The following B4GALNT1 variants were observed in gnomAD, a reference collection of about 807,000 sequenced individuals.
B4GALNT1 encodes the protein beta-1,4 N-acetylgalactosaminyltransferase 1.
In B4GALNT1, 43 loss-of-function variants were observed where a neutral mutation model predicts 55.2. That is an observed-to-expected ratio of 0.78 (90% CI 0.61 to 1.00). The LOEUF is 1.00. B4GALNT1 is among the 50% of genes least tolerant of loss of function. The pLI is 0.00. For missense variants in B4GALNT1, 664 were observed against 729.7 expected (o/e 0.91, Z 1.04); for synonymous variants, 305 against 311.6 (o/e 0.98, Z 0.22).
At chr12:57,631,488 T>A in intron 2 of B4GALNT1, 124 bp from the exon 3 acceptor site, 1 of 1,098,260 alleles carries the variant, frequency 9.1e-7, no homozygotes, top group Non-Finnish European at 1.3e-6. Flanking sequence ...TCTGTCCCCT[T>A]AAATGCTGCC....
At chr12:57,628,601 C>T in intron 8 of B4GALNT1, 112 bp downstream of exon 8, 7 of 1,293,708 alleles carry the variant, frequency 5.4e-6, no homozygotes, top group Non-Finnish European at 7.6e-6. Context: ...TAACAGGCAC[C>T]CCATGATTCT....
At chr12:57,629,193 TTC>T (rs1885046221) in intron 6 of B4GALNT1, 47 bp from the exon 7 acceptor site, 3 of 1,472,362 alleles carry the variant, frequency 2.0e-6, no homozygotes, top group Non-Finnish European at 2.7e-6. Context: ...TGGGATAACA[TTC>T]TGTTTTCAGC....
chr12:57,627,738 C>CTAGTGTAGATCTCG lies in B4GALNT1; in HGVS notation c.1263_1264insCGAGATCTACACTA (p.Glu422ArgfsTer5). The CTAGTGTAGATCTCG allele has an allele frequency of 6.2e-7, 1 of 1,610,406 alleles. No individual in the cohort carries two copies. Among genetic ancestry groups the CTAGTGTAGATCTCG allele is most frequent in the South Asian group, 1.1e-5 (1 of 90,600 alleles). ...ACGCAGCCTGGGAAGCCGACGAGCT[C>CTAGTGTAGATCTCG]GTGGTGGAAGCCGCGCCTTTGCCGG... On this transcript the variant is annotated frameshift_variant, in exon 10 of 11. Transcript: ENST00000341156. LOFTEE classifies it high-confidence loss of function.
In B4GALNT1 at chr12:57,631,287, GC is replaced by G; in HGVS notation, c.295del (p.Ala99LeufsTer13). 1 of 1,614,148 alleles carries G rather than the reference GC, an allele frequency of 6.2e-7. No individual in the cohort carries two copies. The highest frequency in any genetic ancestry group is 1.1e-5 in the South Asian group (1 of 91,084). On this transcript the variant is annotated frameshift_variant, in exon 3 of 11. Transcript: ENST00000341156. LOFTEE classifies it high-confidence loss of function. ...LPLPFQKQVR[A>X]IDLTKAFDPA... Reference sequence around the variant, plus strand: ...GTCAAAGGCCTTGGTGAGGTCAATAGCTCGGACTTGTTTCTGGAAGGGGAGG... The same window carrying G: ...GTCAAAGGCCTTGGTGAGGTCAATAGTCGGACTTGTTTCTGGAAGGGGAGG...
At position 57,626,132 on chromosome 12, in the gene B4GALNT1, G is replaced by A. The variant is rs372792639; in HGVS notation, c.*612C>T. On this transcript the variant is annotated 3_prime_UTR_variant, in exon 11 of 11. Transcript: ENST00000341156. ...TACCTAACGTAACTAATAAAATGAAGCTGAGAGCTTTGGAATCCATGAAGT... is the reference window on the plus strand; with the variant it reads ...TACCTAACGTAACTAATAAAATGAAACTGAGAGCTTTGGAATCCATGAAGT... 4.9e-4 allele frequency: 88 copies of A among 178,430 alleles called. No homozygotes were observed. Among genetic ancestry groups the A allele is most frequent in the Non-Finnish European group, 6.8e-4 (57 of 84,264 alleles). 11.1% of individuals were successfully genotyped at this position (178,430 alleles called of 1,614,324 possible). A position where few individuals can be genotyped will look rare whatever the true frequency, so the allele number is the denominator to read the frequency against.
chr12:57,625,056 C>A lies in B4GALNT1; in HGVS notation c.*1688G>T. ...GCAGGTGGGTGTTCTGAGGGGGATC[C>A]TTGTGCTCAAGGGGTGCATGTTCAT... On this transcript the variant is annotated 3_prime_UTR_variant, in exon 11 of 11. Transcript: ENST00000341156. 6.2e-7 allele frequency: 1 copy of A among 1,613,708 alleles called. No individual in the cohort carries two copies. The highest frequency in any genetic ancestry group is 8.5e-7 in the Non-Finnish European group (1 of 1,179,660).
chr12:57,625,439 C>A lies in B4GALNT1; in HGVS notation c.*1305G>T. On this transcript the variant is annotated 3_prime_UTR_variant, in exon 11 of 11. Transcript: ENST00000341156. Reference sequence around the variant, plus strand: ...CCAGCCGATGTCGAGATGCTAGGATCCGCCTCCTCCTGGCTCAGTGTAATG... The same window carrying A: ...CCAGCCGATGTCGAGATGCTAGGATACGCCTCCTCCTGGCTCAGTGTAATG... 1 of 1,614,202 alleles carries A rather than the reference C, an allele frequency of 6.2e-7. No individual in the cohort carries two copies. The highest frequency in any genetic ancestry group is 8.5e-7 in the Non-Finnish European group (1 of 1,180,030).
Position 57,623,585 on chromosome 12 carries a change from G to T in B4GALNT1, c.*3159C>A. ...ACAGTGGCTTTTAAGGTGGAGGTGGGCTACAAAACTGGGGAACTTGAACAA... is the reference window on the plus strand; with the variant it reads ...ACAGTGGCTTTTAAGGTGGAGGTGGTCTACAAAACTGGGGAACTTGAACAA... On this transcript the variant is annotated 3_prime_UTR_variant, in exon 11 of 11. Coordinates refer to ENST00000341156, the MANE Select transcript of B4GALNT1 (RefSeq NM_001478.5). The T allele has an allele frequency of 3.7e-6, 2 of 534,068 alleles. No homozygotes were observed. The highest frequency in any genetic ancestry group is 4.6e-5 in the South Asian group (2 of 43,502). 33.1% of individuals were successfully genotyped at this position (534,068 alleles called of 1,614,324 possible).
rs781110165 is a variant in B4GALNT1 at position 57,625,510 on chromosome 12, T to C, written c.*1234A>G. On this transcript the variant is annotated 3_prime_UTR_variant, in exon 11 of 11. Transcript: ENST00000341156. ...CGGGGCCCAGTGCCTGGGCAATGAC[T>C]GGACACCTGCGGTAGGGAAAAGGAC... The C allele has an allele frequency of 1.9e-6, 3 of 1,613,954 alleles. No individual in the cohort carries two copies. The South Asian group carries it at 3.3e-5, about 18-fold the overall frequency.
chr12:57,631,510 C>G (rs2140252663), intron 2 of B4GALNT1, 146 bp from the exon 3 acceptor site: 1 of 927,022 alleles, frequency 1.1e-6, no homozygotes, highest in East Asian at 2.6e-5. Context: ...TTCAAATAGT[C>G]CTCGGGAGGG....
intron 4 of B4GALNT1, 137 bp downstream of exon 4, chr12:57,630,843 G>A (rs703832): frequency 8.2e-6 from 7 of 857,862 alleles, no homozygotes; most frequent in Admixed American, 6.8e-5. Flanking sequence ...CTCCTAAGCC[G>A]CCGTTTGAGC....
Position 57,631,181 on chromosome 12 carries a change from G to T in B4GALNT1, c.383+19C>A. ...CTGCTCTCCCCCTGAGGAGTCATGC[G>T]CTTCTTTCAAGCTGGTACCTCGACA... On this transcript the variant is annotated intron_variant, in intron 3 of 10. Transcript: ENST00000341156. The T allele has an allele frequency of 6.2e-7, 1 of 1,613,948 alleles. No individual in the cohort carries two copies. Among genetic ancestry groups the T allele is most frequent in the Middle Eastern group, 1.6e-4 (1 of 6,062 alleles).
At position 57,632,044 on chromosome 12, in the gene B4GALNT1, G is replaced by GTA; in HGVS notation, c.88_89insTA (p.Ala30ValfsTer43). 6.9e-7 allele frequency: 1 copy of GTA among 1,445,804 alleles called. No homozygotes were observed. The highest frequency in any genetic ancestry group is 9.1e-7 in the Non-Finnish European group (1 of 1,098,026). 89.6% of individuals were successfully genotyped at this position (1,445,804 alleles called of 1,614,324 possible). Reference sequence around the variant, plus strand: ...CGCAAGAGGTAGCCGGAGGCCGGGCGCGTCCCGGGTGCTCGCGTACAGGAG... The same window carrying GTA: ...CGCAAGAGGTAGCCGGAGGCCGGGCGTACGTCCCGGGTGCTCGCGTACAGGAG... On this transcript the variant is annotated frameshift_variant, in exon 2 of 11. Coordinates refer to ENST00000341156, the MANE Select transcript of B4GALNT1 (RefSeq NM_001478.5). LOFTEE classifies it high-confidence loss of function.
chr12:57,624,402 C>T lies in B4GALNT1; in HGVS notation c.*2342G>A. On this transcript the variant is annotated 3_prime_UTR_variant, in exon 11 of 11. Transcript: ENST00000341156. Reference sequence around the variant, plus strand: ...CACTTCTTCCTGGATCATCTCTCCCCATCACTTGCCTTGGTAGTCACTGCC... The same window carrying T: ...CACTTCTTCCTGGATCATCTCTCCCTATCACTTGCCTTGGTAGTCACTGCC... 1 of 613,592 alleles carries T rather than the reference C, an allele frequency of 1.6e-6. No individual in the cohort carries two copies. The highest frequency in any genetic ancestry group is 3.1e-6 in the Non-Finnish European group (1 of 320,284). The allele number at this position is 613,592 out of a possible 1,614,324, so 38.0% of individuals were successfully genotyped here.
chr12:57,627,872 G>C lies in B4GALNT1; in HGVS notation c.1144-14C>G. The C allele has an allele frequency of 6.4e-7, 1 of 1,566,420 alleles. No individual in the cohort carries two copies. Among genetic ancestry groups the C allele is most frequent in the Non-Finnish European group, 8.7e-7 (1 of 1,155,444 alleles). On this transcript the variant is annotated splice_polypyrimidine_tract_variant and intron_variant, in intron 9 of 10. Coordinates refer to ENST00000341156, the MANE Select transcript of B4GALNT1 (RefSeq NM_001478.5). ...CGCGCCCCCCACCTGCAGGGAGAGG[G>C]AGGTTGCCTCCAGGCGGGCCTGGGA...
At chr12:57,628,429 G>T in intron 8 of B4GALNT1, 167 bp from the exon 9 acceptor site, 1 of 1,059,580 alleles carries the variant, frequency 9.4e-7, no homozygotes, top group Non-Finnish European at 1.3e-6. Context: ...CCCCACAGAG[G>T]TTCCAAGTCA....
chr12:57,628,622 G>A, intron 8 of B4GALNT1, 91 bp downstream of exon 8: 2 of 1,460,774 alleles, frequency 1.4e-6, no homozygotes, highest in South Asian at 1.2e-5. Context: ...GAGGCAGGTG[G>A]TCCTCGAATC....
In B4GALNT1 at chr12:57,624,410, G is replaced by A. The variant is rs1020585055; in HGVS notation, c.*2334C>T. On this transcript the variant is annotated 3_prime_UTR_variant, in exon 11 of 11. Transcript: ENST00000341156. ...CCTGGATCATCTCTCCCCATCACTT[G>A]CCTTGGTAGTCACTGCCCTGGATCT... The A allele has an allele frequency of 4.9e-5, 30 of 608,074 alleles. 1 individual carries two copies. Among genetic ancestry groups the A allele is most frequent in the Non-Finnish European group, 6.3e-6 (2 of 316,006 alleles). The allele number at this position is 608,074 out of a possible 1,614,324, so 37.7% of individuals were successfully genotyped here.
Position 57,628,050 on chromosome 12 carries a change from C to T in B4GALNT1, c.1143+72G>A, listed in dbSNP as rs1002475064. On this transcript the variant is annotated intron_variant, in intron 9 of 10. Coordinates refer to ENST00000341156, the MANE Select transcript of B4GALNT1 (RefSeq NM_001478.5). ...TCCTAGGGCTGGCCGTTCCTGGCCG[C>T]AGCGCCCCCGCTGTGGCCTTAGCCT... 24 of 1,582,486 alleles carry T rather than the reference C, an allele frequency of 1.5e-5. No individual in the cohort carries two copies. The African/African-American group carries it at 3.0e-4, about 20-fold the overall frequency.
Sources: gnomAD v4.1 joint callset for allele counts on GRCh38, gnomAD v4.1.1 for gene constraint, MANE v1.5 for transcripts, NCBI Gene and HGNC (gene_info 2026-07-23, HGNC 2026-07-21) for gene names.